The following KALRN variants were observed in gnomAD, a reference collection of about 807,000 sequenced individuals.
KALRN encodes kalirin RhoGEF kinase, also known as kalirin.
A neutral mutation model predicts 353.7 loss-of-function variants in KALRN; 70 were observed. That is an observed-to-expected ratio of 0.20 (90% CI 0.16 to 0.24). The LOEUF is 0.24. KALRN is among the 10% of genes least tolerant of loss of function. The pLI, the probability that KALRN is intolerant of heterozygous loss-of-function variation, is 1.00. For missense variants in KALRN, 2,791 were observed against 3,756.7 expected (o/e 0.74, Z 6.72); for synonymous variants, 1,391 against 1,434.8 (o/e 0.97, Z 0.69).
rs960298310 is a variant in KALRN, at chr3:124,152,448, A to C, written c.74-75542A>C. Reference sequence around the variant, plus strand: ...ATGCCAATTTGGGTTCTGCAGGTACATAGAAGTTGCCAGCTTTTCTTGCCA... The same window carrying C: ...ATGCCAATTTGGGTTCTGCAGGTACCTAGAAGTTGCCAGCTTTTCTTGCCA... On this transcript the variant is annotated intron_variant, in intron 1 of 59. Coordinates refer to ENST00000682506, the MANE Select transcript of KALRN (RefSeq NM_001388419.1). 54 of 1,312,838 alleles carry C rather than the reference A, an allele frequency of 4.1e-5. No homozygotes were observed. The Middle Eastern group carries it at 1.4e-3, about 35-fold the overall frequency. The allele number at this position is 1,312,838 out of a possible 1,614,324, so 81.3% of individuals were successfully genotyped here. A position where few individuals can be genotyped will look rare whatever the true frequency, so the allele number is the denominator to read the frequency against.
intron 6 of KALRN, among the ~76,000 whole-genome samples, chr3:124,308,926 C>A (rs6797788): frequency 0.21 from 31,125 of 151,376 alleles, 3,292 homozygotes; most frequent in South Asian, 0.29. Flanking sequence ...CTAGAACAAC[C>A]AATGAAAAAA....
At chr3:124,599,533 G>A (rs1157032222) in intron 34 of KALRN, among the ~76,000 whole-genome samples, 3 of 152,118 alleles carry the variant, frequency 2.0e-5, no homozygotes, top group African/African-American at 7.2e-5. Flanking sequence ...ATCCACAGCT[G>A]CTGCCTCCTG....
chr3:124,220,876 G>T (rs772728833), intron 1 of KALRN, among the ~76,000 whole-genome samples: 2 of 152,116 alleles, frequency 1.3e-5, no homozygotes, highest in Non-Finnish European at 2.9e-5. Context: ...CAACCTCCCC[G>T]TATCCTCAAA....
intron 34 of KALRN, among the ~76,000 whole-genome samples, chr3:124,588,121 G>A (rs1317937815): frequency 5.9e-5 from 9 of 152,148 alleles, no homozygotes; most frequent in African/African-American, 1.2e-4. Flanking sequence ...AATAGATATC[G>A]GGTAAGAAGG....
At chr3:124,236,653 A>G (rs1212640984) in intron 3 of KALRN, among the ~76,000 whole-genome samples, 1 of 152,210 alleles carries the variant, frequency 6.6e-6, no homozygotes. Context: ...AAGAGTTGGA[A>G]GAATACTTTT....
At chr3:124,635,374 A>G (rs1446378599) in intron 36 of KALRN, among the ~76,000 whole-genome samples, 3 of 152,154 alleles carry the variant, frequency 2.0e-5, no homozygotes. Context: ...TCCCTCAAAC[A>G]CAGCTTGTTT....
chr3:124,415,903 G>A (rs1012646732), intron 14 of KALRN, among the ~76,000 whole-genome samples: 3 of 152,150 alleles, frequency 2.0e-5, no homozygotes, highest in African/African-American at 7.2e-5. Flanking sequence ...CCAGGTAAAT[G>A]GTGTGTACAT....
intron 1 of KALRN, among the ~76,000 whole-genome samples, chr3:124,186,678 G>A (rs1396564198): frequency 6.6e-6 from 1 of 152,038 alleles, no homozygotes; most frequent in Non-Finnish European, 1.5e-5. Flanking sequence ...GGGAGCTAAG[G>A]CCAATAAACA....
At chr3:124,254,641 A>G (rs1278478899) in intron 3 of KALRN, among the ~76,000 whole-genome samples, 1 of 152,212 alleles carries the variant, frequency 6.6e-6, no homozygotes, top group Non-Finnish European at 1.5e-5. Flanking sequence ...ATGTTAATAC[A>G]GAGCCTCATG....
At chr3:124,147,336 C>T (rs958528780) in intron 1 of KALRN, among the ~76,000 whole-genome samples, 2 of 152,112 alleles carry the variant, frequency 1.3e-5, no homozygotes, top group Admixed American at 1.3e-4. Flanking sequence ...TAAGCAAGTG[C>T]TTATGGAAGA....
chr3:124,077,912 G>A (rs6438827), intron 1 of KALRN, among the ~76,000 whole-genome samples: 135,264 of 152,238 alleles, frequency 0.89, 60,748 homozygotes, highest in East Asian at 1. Context: ...ATCATGGGCA[G>A]TTTTCTTGAC....
intron 1 of KALRN, among the ~76,000 whole-genome samples, chr3:124,085,407 G>C (rs1320186): frequency 6.6e-6 from 1 of 151,994 alleles, no homozygotes; most frequent in African/African-American, 2.4e-5. Flanking sequence ...AGGAGTTGAG[G>C]TTCTTCCTGA....
At chr3:124,359,742 G>A (rs1230945763) in intron 10 of KALRN, among the ~76,000 whole-genome samples, 1 of 152,170 alleles carries the variant, frequency 6.6e-6, no homozygotes, top group African/African-American at 2.4e-5. Context: ...TCCATAAATG[G>A]CGGTCTCTGT....
At chr3:124,127,955 T>C (rs1311833191) in intron 1 of KALRN, among the ~76,000 whole-genome samples, 1 of 152,234 alleles carries the variant, frequency 6.6e-6, no homozygotes, top group African/African-American at 2.4e-5. Context: ...TTTACTTTTT[T>C]ATGCTTATTC....
chr3:124,630,315 T>G (rs1240557384), intron 34 of KALRN, among the ~76,000 whole-genome samples: 1 of 152,156 alleles, frequency 6.6e-6, no homozygotes, highest in Non-Finnish European at 1.5e-5. Flanking sequence ...TCAAACCTCA[T>G]CCCTAACCCC....
intron 57 of KALRN, among the ~76,000 whole-genome samples, chr3:124,707,469 C>T (rs1448872262): frequency 1.3e-5 from 2 of 151,474 alleles, no homozygotes; most frequent in African/African-American, 4.9e-5. Context: ...TTCCCTCCTT[C>T]CTTCCCTTCT....
At chr3:124,260,323 C>T (rs1026544094) in intron 3 of KALRN, among the ~76,000 whole-genome samples, 6 of 152,190 alleles carry the variant, frequency 3.9e-5, no homozygotes. Flanking sequence ...CTCCCAGGCC[C>T]AAATGTGGCA....
At chr3:124,590,761 G>A (rs2075690069) in intron 34 of KALRN, among the ~76,000 whole-genome samples, 1 of 152,052 alleles carries the variant, frequency 6.6e-6, no homozygotes, top group African/African-American at 2.4e-5. Flanking sequence ...TCTGGAAAAG[G>A]CTGAGGTCTG....
intron 1 of KALRN, among the ~76,000 whole-genome samples, chr3:124,045,045 T>G (rs2040349273): frequency 6.6e-6 from 1 of 152,096 alleles, no homozygotes; most frequent in Non-Finnish European, 1.5e-5. Flanking sequence ...AATCTCCATC[T>G]TTTATACTCT....
Sources: gnomAD v4.1 joint callset for allele counts (sites outside exome capture counted in the v4.1 genomes callset) on GRCh38, gnomAD v4.1.1 for gene constraint, MANE v1.5 for transcripts, NCBI Gene and HGNC (gene_info 2026-07-23, HGNC 2026-07-21) for gene names.